The following CTDSPL variants were observed in gnomAD, a reference collection of about 807,000 sequenced individuals.
CTDSPL encodes CTD small phosphatase like.
A neutral mutation model predicts 30.5 loss-of-function variants in CTDSPL; 8 were observed. The ratio of observed to expected loss-of-function variants is 0.26; its 90% CI spans 0.15 to 0.47. The LOEUF (loss-of-function observed/expected upper bound fraction) is 0.47. Among genes scored for constraint, CTDSPL ranks in the 20% least tolerant of loss-of-function variants. The pLI is 0.99. For synonymous variants in CTDSPL, 110 were observed against 137.9 expected, an observed-to-expected ratio of 0.80 and a Z score of 1.42; for missense variants, 248 against 366.1, an observed-to-expected ratio of 0.68 and a Z score of 2.63.
At chr3:37,938,366 A>AT (rs1483406517) in intron 1 of CTDSPL, among the ~76,000 whole-genome samples, 1 of 150,376 alleles carries the variant, frequency 6.6e-6, no homozygotes, top group African/African-American at 2.4e-5. Context: ...TGAAAGAATT[A>AT]TAAAAAGTCA....
At chr3:37,903,916 G>A (rs906019522) in intron 1 of CTDSPL, among the ~76,000 whole-genome samples, 5 of 152,170 alleles carry the variant, frequency 3.3e-5, no homozygotes, top group East Asian at 1.9e-4. Context: ...CTTTACTGCC[G>A]CTGCCACCAG....
chr3:37,911,756 C>CG (rs1468798004), intron 1 of CTDSPL: 2 of 455,996 alleles, frequency 4.4e-6, no homozygotes, highest in Non-Finnish European at 8.8e-6. Flanking sequence ...GTGTAACCCT[C>CG]GCTAAAGAGA....
At chr3:37,940,681 C>T (rs567065772) in intron 1 of CTDSPL, among the ~76,000 whole-genome samples, 1 of 150,570 alleles carries the variant, frequency 6.6e-6, no homozygotes, top group Admixed American at 6.7e-5. Context: ...ACGTGCCCAT[C>T]CCTAAGCCAG....
chr3:37,937,840 A>G (rs1036740877), intron 1 of CTDSPL, among the ~76,000 whole-genome samples: 1 of 150,344 alleles, frequency 6.7e-6, no homozygotes, highest in Non-Finnish European at 1.5e-5. Flanking sequence ...AGGTGGACCT[A>G]GGAGTTTAGG....
At chr3:37,872,883 C>A (rs1489555452) in intron 1 of CTDSPL, among the ~76,000 whole-genome samples, 1 of 152,024 alleles carries the variant, frequency 6.6e-6, no homozygotes, top group South Asian at 2.1e-4. Context: ...CCCACTTTGC[C>A]TCTTTTGACC....
intron 6 of CTDSPL, among the ~76,000 whole-genome samples, chr3:37,974,491 G>A (rs557402569): frequency 2.0e-5 from 3 of 152,346 alleles, no homozygotes; most frequent in African/African-American, 7.2e-5. Flanking sequence ...CCCTTACTTG[G>A]TCTTGGTGCA....
chr3:37,959,274 A>AT (rs1272068485), intron 3 of CTDSPL, among the ~76,000 whole-genome samples: 1 of 152,096 alleles, frequency 6.6e-6, no homozygotes, highest in Non-Finnish European at 1.5e-5. Context: ...TGGTCTTTTA[A>AT]TTTTTTACTA....
chr3:37,954,177 C>T (rs1699141624), intron 2 of CTDSPL, among the ~76,000 whole-genome samples: 1 of 152,202 alleles, frequency 6.6e-6, no homozygotes, highest in Non-Finnish European at 1.5e-5. Flanking sequence ...GAGTACTCAG[C>T]CGTATCTATC....
At chr3:37,948,404 AG>A (rs1699067753) in intron 2 of CTDSPL, among the ~76,000 whole-genome samples, 1 of 152,252 alleles carries the variant, frequency 6.6e-6, no homozygotes, top group Non-Finnish European at 1.5e-5. Context: ...ATGGAATTTC[AG>A]GAAAAATCAC....
At chr3:37,894,697 G>A (rs552063939) in intron 1 of CTDSPL, among the ~76,000 whole-genome samples, 15 of 152,070 alleles carry the variant, frequency 9.9e-5, no homozygotes, top group African/African-American at 3.6e-4. Flanking sequence ...TAAACCTATG[G>A]TAGACCTTTC....
chr3:37,951,849 A>G (rs543209294), intron 2 of CTDSPL, among the ~76,000 whole-genome samples: 64 of 152,318 alleles, frequency 4.2e-4, no homozygotes, highest in African/African-American at 1.5e-3. Context: ...AGAACAAATA[A>G]CAGATAATAA....
intron 1 of CTDSPL, among the ~76,000 whole-genome samples, chr3:37,869,589 G>C (rs1389474202): frequency 3.9e-5 from 6 of 152,042 alleles, no homozygotes; most frequent in Non-Finnish European, 8.8e-5. Flanking sequence ...TTTCTGACTT[G>C]TATGCCTTTT....
chr3:37,969,403 C>T (rs535957883), intron 5 of CTDSPL: 20 of 528,956 alleles, frequency 3.8e-5, no homozygotes, highest in African/African-American at 2.1e-4. Context: ...TGGCGAAGGC[C>T]GTGGCCTCGT....
intron 1 of CTDSPL, among the ~76,000 whole-genome samples, chr3:37,926,694 A>G (rs1698785415): frequency 6.6e-6 from 1 of 152,244 alleles, no homozygotes; most frequent in Non-Finnish European, 1.5e-5. Context: ...GGCAGATTTT[A>G]GAGGAATTGT....
At position 37,975,788 on chromosome 3, in the gene CTDSPL, A is replaced by C; in HGVS notation, c.599A>C (p.His200Pro). ...CTCTTCAGAGAATCATGTGTTTTTC[A>C]TCGTGGGAACTACGTGAAGGACCTG... Reference protein sequence around the residue: ...ARLFRESCVFHRGNYVKDLSR... With the variant: ...ARLFRESCVFPRGNYVKDLSR... Residue 200 changes from histidine to proline, a missense_variant, in exon 7 of 8, where the codon CAT becomes CCT. By Grantham distance (77) the His-to-Pro change is moderately conservative. Transcript: ENST00000273179. The surrounding 1 kb of genome is among the most constrained non-coding windows in gnomAD (Gnocchi z 4.9). The C allele has an allele frequency of 6.2e-7, 1 of 1,614,022 alleles. No individual in the cohort carries two copies. The highest frequency in any genetic ancestry group is 8.5e-7 in the Non-Finnish European group (1 of 1,180,006).
intron 1 of CTDSPL, among the ~76,000 whole-genome samples, chr3:37,864,676 T>G (rs1168939498): frequency 6.6e-6 from 1 of 152,154 alleles, no homozygotes; most frequent in Non-Finnish European, 1.5e-5. Flanking sequence ...TCAGCAATGT[T>G]TCTAGCTTAA....
At chr3:37,885,701 TAGCAA>T (rs1698255068) in intron 1 of CTDSPL, among the ~76,000 whole-genome samples, 1 of 152,048 alleles carries the variant, frequency 6.6e-6, no homozygotes, top group Admixed American at 6.6e-5. Context: ...AGAAGCTTCT[TAGCAA>T]AGGGACAAGG....
intron 1 of CTDSPL, among the ~76,000 whole-genome samples, chr3:37,914,870 G>GTTTTTTTT (rs1266252934): frequency 1.4e-5 from 1 of 71,794 alleles, no homozygotes; most frequent in Non-Finnish European, 2.5e-5. Context: ...AGATATATAT[G>GTTTTTTTT]TTCTTTTTTT....
At chr3:37,917,434 C>T (rs1442550795) in intron 1 of CTDSPL, among the ~76,000 whole-genome samples, 3 of 152,240 alleles carry the variant, frequency 2.0e-5, no homozygotes, top group African/African-American at 4.8e-5. Flanking sequence ...ATCTTTTTCC[C>T]TAAAGTGTTA....
Sources: allele counts gnomAD v4.1 joint callset (sites outside exome capture counted in the v4.1 genomes callset), GRCh38; gene constraint gnomAD v4.1.1; non-coding constraint Gnocchi (gnomAD v3.1); transcripts MANE v1.5; gene names NCBI Gene and HGNC (gene_info 2026-07-23, HGNC 2026-07-21).